Variants in ZNF423 observed in about 807,000 individuals in gnomAD.
ZNF423 encodes the protein Ebf-associated zinc finger protein.
A neutral mutation model predicts 95.8 loss-of-function variants in ZNF423; 12 were observed. The observed-to-expected ratio is 0.13, with a 90% CI of 0.08 to 0.20. ZNF423 has a LOEUF of 0.20. Ranked by LOEUF, ZNF423 falls within the 10% of genes least tolerant of loss-of-function variation. The probability of loss-of-function intolerance (pLI) is 1.00; values close to 1 mark genes in which losing one functional copy is unlikely to be tolerated. For missense variants in ZNF423, 1,316 were observed against 1,737.1 expected (o/e 0.76, Z 4.31); for synonymous variants, 749 against 711.9 (o/e 1.05, Z -0.83).
Position 49,765,627 on chromosome 16 carries a change from G to A in ZNF423, c.100+23860C>T, listed in dbSNP as rs1256703665. Among the ~76,000 whole-genome samples the A allele has an allele frequency of 4.6e-5, 7 of 152,046 alleles. No individual in the cohort carries two copies. The South Asian group carries it at 6.2e-4, about 14-fold the overall frequency. On this transcript the variant is annotated intron_variant, in intron 2 of 7. Transcript: ENST00000563137. Reference sequence around the variant, plus strand: ...CCCAGTTACTTGGGAAGCTGAGGCAGGAGAATCACTTGAGGCCAGGAAGTC... The same window carrying A: ...CCCAGTTACTTGGGAAGCTGAGGCAAGAGAATCACTTGAGGCCAGGAAGTC...
intron 3 of ZNF423, among the ~76,000 whole-genome samples, chr16:49,641,125 C>T (rs1218953782): frequency 6.6e-6 from 1 of 152,216 alleles, no homozygotes; most frequent in Non-Finnish European, 1.5e-5. Context: ...TGCTTTCTCA[C>T]AACTGCAAAT....
chr16:49,755,419 A>G (rs539538955), intron 2 of ZNF423, among the ~76,000 whole-genome samples: 1 of 152,188 alleles, frequency 6.6e-6, no homozygotes, highest in Non-Finnish European at 1.5e-5. Flanking sequence ...GTTCACAAGG[A>G]AAGTTCATTT....
intron 2 of ZNF423, among the ~76,000 whole-genome samples, chr16:49,774,112 C>A (rs1304485068): frequency 6.6e-6 from 1 of 152,254 alleles, no homozygotes; most frequent in Admixed American, 6.5e-5. Context: ...TCCTACGCAG[C>A]TCTTTCCCAG....
chr16:49,719,288 G>C (rs964661686), intron 3 of ZNF423, among the ~76,000 whole-genome samples: 2 of 152,188 alleles, frequency 1.3e-5, no homozygotes, highest in African/African-American at 2.4e-5. Context: ...TCCACGTGAC[G>C]GGCCCTGAGC....
chr16:49,707,629 A>C (rs1387148095), intron 3 of ZNF423, among the ~76,000 whole-genome samples: 1 of 151,722 alleles, frequency 6.6e-6, no homozygotes, highest in East Asian at 1.9e-4. Context: ...AAAAAAAAAA[A>C]AACAAAGAGC....
At position 49,589,145 on chromosome 16, in the gene ZNF423, C is replaced by A. The variant is rs1205979613; in HGVS notation, c.3601+37025G>T. 2.0e-5 allele frequency among the ~76,000 whole-genome samples: 3 copies of A among 152,322 alleles called. No homozygotes were observed. The South Asian group carries it at 6.2e-4, about 32-fold the overall frequency. On this transcript the variant is annotated intron_variant, in intron 5 of 7. Transcript: ENST00000563137. ...GCATTTCCCCCAAGAGTCACTGAAA[C>A]CCCTCTTCCCACTCCACATTCCAGT... is the stretch of plus-strand genomic sequence containing the variant.
rs182105380 is a variant in ZNF423 at position 49,803,558 on chromosome 16, C to T, written c.41-14012G>A. Among the ~76,000 whole-genome samples the T allele has an allele frequency of 5.1e-4, 78 of 152,238 alleles. No individual in the cohort carries two copies. In the East Asian group the frequency reaches 0.012, roughly 24 times the overall value. ...TCCTCCTTTAACAAGCACTGAGCAC[C>T]TCTAGACTACCTAGAAGTCTGCGCT... On this transcript the variant is annotated intron_variant, in intron 1 of 7. Transcript: ENST00000563137.
At chr16:49,587,316 T>C (rs1254538210) in intron 5 of ZNF423, among the ~76,000 whole-genome samples, 11 of 152,174 alleles carry the variant, frequency 7.2e-5, no homozygotes, top group Non-Finnish European at 1.5e-4. Flanking sequence ...CCACTGACCC[T>C]GCATTTGGCG....
intron 7 of ZNF423, among the ~76,000 whole-genome samples, chr16:49,521,724 G>A (rs1389853830): frequency 2.0e-5 from 3 of 152,214 alleles, no homozygotes; most frequent in African/African-American, 4.8e-5. Flanking sequence ...TATGAGCACC[G>A]TAAGGATGAA....
chr16:49,672,509 G>A (rs867555808), intron 3 of ZNF423, among the ~76,000 whole-genome samples: 8 of 152,136 alleles, frequency 5.3e-5, no homozygotes, highest in Admixed American at 3.9e-4. Context: ...ACCAAAGTAC[G>A]GAGCTGCAGT....
chr16:49,638,281 C>T lies in ZNF423; in HGVS notation c.895G>A (p.Glu299Lys), dbSNP rs771113245. 4.3e-6 allele frequency: 7 copies of T among 1,613,476 alleles called. No individual in the cohort carries two copies. Among genetic ancestry groups the T allele is most frequent in the East Asian group, 2.2e-5 (1 of 44,872 alleles). ...TGAATGCACTGCAGGTCCGCCTTCT[C>T]GGACAGCTGCGGGTGGCGGGTGAGC... ...HVLTRHPQLS[E>K]KADLQCIHCP... Residue 299 changes from glutamate (E) to lysine (K), a missense_variant, in exon 4 of 8, where the codon GAG becomes AAG. Transcript: ENST00000563137. This position sits in a 1 kb window ranked among gnomAD's most constrained non-coding sequence, Gnocchi z 5.6.
chr16:49,578,751 G>A (rs568608833), intron 5 of ZNF423, among the ~76,000 whole-genome samples: 54 of 152,274 alleles, frequency 3.5e-4, no homozygotes, highest in African/African-American at 1.2e-3. Context: ...CCACACTCCC[G>A]AAACCCCTCC....
At chr16:49,656,020 C>A (rs112018471) in intron 3 of ZNF423, among the ~76,000 whole-genome samples, 2,304 of 152,184 alleles carry the variant, frequency 0.015, 26 homozygotes, top group Middle Eastern at 0.027. Context: ...CTCCCACCCC[C>A]ACCCTGGCTA....
intron 3 of ZNF423, among the ~76,000 whole-genome samples, chr16:49,655,717 C>A (rs2029869126): frequency 6.6e-6 from 1 of 152,094 alleles, no homozygotes; most frequent in Non-Finnish European, 1.5e-5. Flanking sequence ...CCAAGGTGTT[C>A]CCAAATACAC....
chr16:49,728,285 C>T (rs1330840845), intron 3 of ZNF423, among the ~76,000 whole-genome samples: 1 of 152,210 alleles, frequency 6.6e-6, no homozygotes, highest in Non-Finnish European at 1.5e-5. Context: ...AGTAACTCCT[C>T]ACACATCTAG....
intron 5 of ZNF423, among the ~76,000 whole-genome samples, chr16:49,525,899 G>C (rs1276553011): frequency 6.6e-6 from 1 of 152,240 alleles, no homozygotes; most frequent in African/African-American, 2.4e-5. Flanking sequence ...CATGTACTAT[G>C]TGCCAGGTAC....
chr16:49,828,732 C>A (rs1429302294), intron 1 of ZNF423, among the ~76,000 whole-genome samples: 1 of 152,200 alleles, frequency 6.6e-6, no homozygotes, highest in Non-Finnish European at 1.5e-5. Flanking sequence ...CTGTGTGGAT[C>A]CTTGTACATA....
At chr16:49,674,511 A>G (rs2030961333) in intron 3 of ZNF423, among the ~76,000 whole-genome samples, 1 of 152,236 alleles carries the variant, frequency 6.6e-6, no homozygotes, top group Admixed American at 6.5e-5. Context: ...AAAACCAGTC[A>G]GGGCCAGAGC....
chr16:49,556,252 CTT>C (rs1969823514), intron 5 of ZNF423, among the ~76,000 whole-genome samples: 1 of 152,224 alleles, frequency 6.6e-6, no homozygotes, highest in Non-Finnish European at 1.5e-5. Context: ...TGAAGACTGA[CTT>C]TGGTTTTGTT....
Sources: allele counts gnomAD v4.1 joint callset (sites outside exome capture counted in the v4.1 genomes callset), GRCh38; gene constraint gnomAD v4.1.1; non-coding constraint Gnocchi (gnomAD v3.1); transcripts MANE v1.5; gene names NCBI Gene and HGNC (gene_info 2026-07-23, HGNC 2026-07-21).